Variants in TENM2 observed in about 807,000 individuals in gnomAD.
TENM2 encodes the protein teneurin-2.
A neutral mutation model predicts 245.2 loss-of-function variants in TENM2; 52 were observed. The observed-to-expected ratio is 0.21, with a 90% CI of 0.17 to 0.27. The LOEUF (loss-of-function observed/expected upper bound fraction) is 0.27, where lower values mean the gene tolerates loss of function less well. Ranked by LOEUF, TENM2 falls within the 10% of genes least tolerant of loss-of-function variation. The pLI, the probability that TENM2 is intolerant of heterozygous loss-of-function variation, is 1.00. For synonymous variants in TENM2, 1,363 were observed against 1,438.9 expected (o/e 0.95, Z 1.19); for missense variants, 3,046 against 3,666.8 (o/e 0.83, Z 4.37).
intron 3 of TENM2, among the ~76,000 whole-genome samples, chr5:167,916,811 C>G (rs968860118): frequency 6.6e-6 from 1 of 152,222 alleles, no homozygotes; most frequent in Admixed American, 6.5e-5. Context: ...GCCTTGGCAG[C>G]TCAGTTCCTT....
chr5:167,257,452 T>C, the TENM2 span, among the ~76,000 whole-genome samples: 1 of 152,214 alleles, frequency 6.6e-6, no homozygotes, highest in Non-Finnish European at 1.5e-5. Flanking sequence ...GCTAAATCTT[T>C]GGGTATATCC....
At chr5:167,444,320 C>CAA (rs1473435217) in intron 2 of TENM2, among the ~76,000 whole-genome samples, 1 of 149,840 alleles carries the variant, frequency 6.7e-6, no homozygotes, top group Non-Finnish European at 1.5e-5. Flanking sequence ...CACACACACA[C>CAA]AATCCTTAAT....
At chr5:168,229,531 A>AAT (rs1227048312) in intron 25 of TENM2, 1 of 118,390 alleles carries the variant, frequency 8.4e-6, no homozygotes, top group Non-Finnish European at 1.5e-5. Context: ...AAAACTAATA[A>AAT]ATAAAAATAA....
intron 3 of TENM2, among the ~76,000 whole-genome samples, chr5:167,883,367 T>G (rs1237170769): frequency 1.3e-5 from 2 of 152,248 alleles, no homozygotes; most frequent in East Asian, 3.9e-4. Flanking sequence ...AGACAAATAC[T>G]GCACATGTGC....
chr5:167,247,536 G>C, the TENM2 span, among the ~76,000 whole-genome samples: 5 of 152,052 alleles, frequency 3.3e-5, no homozygotes, highest in Non-Finnish European at 5.9e-5. Context: ...TAAATGATTG[G>C]TGCTTAAAAT....
At chr5:168,164,921 C>A (rs1427411786) in intron 13 of TENM2, among the ~76,000 whole-genome samples, 3 of 152,208 alleles carry the variant, frequency 2.0e-5, no homozygotes, top group Admixed American at 1.3e-4. Flanking sequence ...GCCTTCATGG[C>A]CCCAACAGGT....
chr5:168,259,417 G>A (rs1767986551), intron 27 of TENM2, among the ~76,000 whole-genome samples: 1 of 151,956 alleles, frequency 6.6e-6, no homozygotes, highest in Non-Finnish European at 1.5e-5. Flanking sequence ...GAGAAACCCT[G>A]TCTCTACTGA....
intron 2 of TENM2, among the ~76,000 whole-genome samples, chr5:167,863,369 C>T (rs939626411): frequency 2.6e-5 from 4 of 152,038 alleles, no homozygotes; most frequent in African/African-American, 9.7e-5. Context: ...AATCCCAGCA[C>T]TCTGGGAGGC....
In TENM2 at chr5:168,158,337, C is replaced by T. The variant is rs550650803; in HGVS notation, c.2423-4274C>T. On this transcript the variant is annotated intron_variant, in intron 12 of 28. Transcript: ENST00000518659. ...AGAGAGGAAGTCTCTATTATCTTCT[C>T]ATGATTCTCAGAAGAGTTTATAGAT... Among the ~76,000 whole-genome samples, 18 of 152,216 alleles carry T rather than the reference C, an allele frequency of 1.2e-4. 1 individual carries two copies. The highest frequency in any genetic ancestry group is 4.3e-4 in the African/African-American group (18 of 41,558).
chr5:167,109,490 G>T, the TENM2 span, among the ~76,000 whole-genome samples: 3 of 152,180 alleles, frequency 2.0e-5, no homozygotes, highest in South Asian at 2.1e-4. Flanking sequence ...ATTTATGAAG[G>T]TTGGCTTACC....
chr5:167,055,906 T>C, the TENM2 span, among the ~76,000 whole-genome samples: 1 of 152,172 alleles, frequency 6.6e-6, no homozygotes, highest in South Asian at 2.1e-4. Context: ...TTCTTTTCTT[T>C]TCTTATTTTA....
chr5:167,009,464 A>G, the TENM2 span, among the ~76,000 whole-genome samples: 1 of 152,302 alleles, frequency 6.6e-6, no homozygotes, highest in South Asian at 2.1e-4. Context: ...TGTGAAATAC[A>G]CCTTTTCTTT....
the TENM2 span, among the ~76,000 whole-genome samples, chr5:167,160,515 C>T: frequency 6.6e-6 from 1 of 152,224 alleles, no homozygotes; most frequent in Non-Finnish European, 1.5e-5. Flanking sequence ...ACCGCTTTGG[C>T]GGCCTCTGCA....
At chr5:168,172,274 A>T (rs184927273) in intron 13 of TENM2, among the ~76,000 whole-genome samples, 1 of 152,232 alleles carries the variant, frequency 6.6e-6, no homozygotes, top group Non-Finnish European at 1.5e-5. Flanking sequence ...TCCCAGGAAC[A>T]CATCTGTCTG....
intron 25 of TENM2, among the ~76,000 whole-genome samples, chr5:168,234,508 A>ATAGTC (rs1765241549): frequency 6.6e-6 from 1 of 152,192 alleles, no homozygotes; most frequent in Non-Finnish European, 1.5e-5. Context: ...TATCCCAAAT[A>ATAGTC]TAGTCTACAT....
intron 1 of TENM2, among the ~76,000 whole-genome samples, chr5:167,318,493 C>T (rs1756513782): frequency 6.6e-6 from 1 of 151,542 alleles, no homozygotes; most frequent in East Asian, 1.9e-4. Context: ...GATAAGTGCA[C>T]ATTATAACTA....
intron 25 of TENM2, among the ~76,000 whole-genome samples, chr5:168,233,056 G>C (rs958961592): frequency 6.6e-6 from 1 of 152,164 alleles, no homozygotes; most frequent in East Asian, 1.9e-4. Flanking sequence ...GGCCGGGCGT[G>C]GTGTCTCACG....
chr5:167,242,457 C>T, the TENM2 span, among the ~76,000 whole-genome samples: 1 of 152,060 alleles, frequency 6.6e-6, no homozygotes, highest in African/African-American at 2.4e-5. Flanking sequence ...TACAGTTGAC[C>T]TTTGAAGAAC....
intron 2 of TENM2, among the ~76,000 whole-genome samples, chr5:167,872,288 G>GAGAAAGAA (rs1346015918): frequency 2.9e-5 from 2 of 69,310 alleles, no homozygotes; most frequent in East Asian, 7.8e-4. Flanking sequence ...AAAAAAGAAA[G>GAGAAAGAA]AGAAAGATAG....
Sources: allele counts gnomAD v4.1 joint callset (sites outside exome capture counted in the v4.1 genomes callset), GRCh38; gene constraint gnomAD v4.1.1; transcripts MANE v1.5; gene names NCBI Gene and HGNC (gene_info 2026-07-23, HGNC 2026-07-21).